HS1BP3: variants seen among roughly 807,000 people sequenced by gnomAD.
The protein encoded by HS1BP3 is HCLS1-binding protein 3.
HS1BP3 carries 32 observed loss-of-function variants against 33.5 expected under a neutral mutation model. That is an observed-to-expected ratio of 0.95 (90% CI 0.72 to 1.28). The LOEUF (loss-of-function observed/expected upper bound fraction) is 1.28, where lower values mean the gene tolerates loss of function less well. Ranked by LOEUF, HS1BP3 falls within the 50% of genes most tolerant of loss-of-function variation. The pLI, the probability that HS1BP3 is intolerant of heterozygous loss-of-function variation, is 0.00. For synonymous variants in HS1BP3, 187 were observed against 209.2 expected, an observed-to-expected ratio of 0.89 and a Z score of 0.92; for missense variants, 486 against 502.3, an observed-to-expected ratio of 0.97 and a Z score of 0.31.
intron 6 of HS1BP3, chr2:20,623,352 A>T (rs1416525684): frequency 6.5e-6 from 1 of 152,702 alleles, no homozygotes; most frequent in East Asian, 1.9e-4. Flanking sequence ...CTTACTGCGT[A>T]CACAGCAAGG....
chr2:20,645,712 G>A (rs1036088506), intron 1 of HS1BP3, among the ~76,000 whole-genome samples: 8 of 152,210 alleles, frequency 5.3e-5, no homozygotes, highest in East Asian at 3.9e-4. Flanking sequence ...CCTCGGACCT[G>A]GTCCTGCCTT....
chr2:20,647,403 G>A (rs1240997942), intron 1 of HS1BP3, among the ~76,000 whole-genome samples: 1 of 152,198 alleles, frequency 6.6e-6, no homozygotes, highest in East Asian at 1.9e-4. Context: ...GACAGACATG[G>A]TGTAAACATG....
downstream of HS1BP3, among the ~76,000 whole-genome samples, chr2:20,588,231 T>C (rs560969497): frequency 5.9e-5 from 9 of 152,320 alleles, no homozygotes; most frequent in African/African-American, 1.7e-4. Context: ...ATATCAAGCA[T>C]GTATTACTTC....
chr2:20,606,094 C>T (rs1694170792), intron 2 of HS1BP3, among the ~76,000 whole-genome samples: 1 of 151,982 alleles, frequency 6.6e-6, no homozygotes, highest in Non-Finnish European at 1.5e-5. Flanking sequence ...TCCTCTACAT[C>T]CTCACCAACA....
rs146115884 is a variant in HS1BP3, at chr2:20,603,318, A to G, written c.179-5053T>C. ...TTATTCACAATAGCCAAAAGGTGAA[A>G]AAAAGCCAAATGCTTATTAACTAAT... On this transcript the variant is annotated intron_variant, in intron 2 of 3. Coordinates refer to the HS1BP3 transcript ENST00000415264. Among the ~76,000 whole-genome samples, 687 of 152,384 alleles carry G rather than the reference A, an allele frequency of 4.5e-3. 6 individuals carry two copies. The highest frequency in any genetic ancestry group is 0.016 in the African/African-American group (660 of 41,590).
At chr2:20,571,307 A>G (rs560011611) in intron 5 of HS1BP3, among the ~76,000 whole-genome samples, 1 of 152,186 alleles carries the variant, frequency 6.6e-6, no homozygotes, top group South Asian at 2.1e-4. Context: ...AGCAAGCTCT[A>G]GGCTGGGGAC....
chr2:20,596,821 C>T (rs1693952556), intron 3 of HS1BP3, among the ~76,000 whole-genome samples: 1 of 152,198 alleles, frequency 6.6e-6, no homozygotes, highest in Non-Finnish European at 1.5e-5. Flanking sequence ...ATCTCAGCTC[C>T]TTCAGGGCCT....
chr2:20,629,305 G>T (rs542496479), intron 4 of HS1BP3, among the ~76,000 whole-genome samples: 1 of 152,258 alleles, frequency 6.6e-6, no homozygotes, highest in South Asian at 2.1e-4. Flanking sequence ...TCTCCTCCCT[G>T]GTCCTCCTCC....
At chr2:20,593,047 C>T (rs1056166464) in intron 3 of HS1BP3, among the ~76,000 whole-genome samples, 8 of 152,106 alleles carry the variant, frequency 5.3e-5, no homozygotes, top group African/African-American at 1.9e-4. Context: ...CTCCAACCTC[C>T]CGCTGTCTAC....
chr2:20,574,605 A>C (rs1350532174), intron 5 of HS1BP3, among the ~76,000 whole-genome samples: 1 of 152,104 alleles, frequency 6.6e-6, no homozygotes, highest in African/African-American at 2.4e-5. Context: ...GGCCAGGAAA[A>C]ATGAGTGACT....
intron 5 of HS1BP3, among the ~76,000 whole-genome samples, chr2:20,574,756 G>C (rs1212770511): frequency 6.6e-6 from 1 of 152,174 alleles, no homozygotes; most frequent in East Asian, 1.9e-4. Context: ...ACCTCACAGG[G>C]GTCTGCTTCC....
intron 5 of HS1BP3, among the ~76,000 whole-genome samples, chr2:20,585,864 G>T (rs1693669129): frequency 6.6e-6 from 1 of 152,210 alleles, no homozygotes; most frequent in South Asian, 2.1e-4. Context: ...CACCTACTGT[G>T]TGCCAGGCAC....
chr2:20,581,598 C>T (rs1693535091), intron 5 of HS1BP3, among the ~76,000 whole-genome samples: 1 of 152,224 alleles, frequency 6.6e-6, no homozygotes, highest in South Asian at 2.1e-4. Context: ...GATCTGCCTG[C>T]CTCAACCTCC....
intron 5 of HS1BP3, among the ~76,000 whole-genome samples, chr2:20,574,619 T>C (rs1693355973): frequency 6.6e-6 from 1 of 152,128 alleles, no homozygotes; most frequent in Non-Finnish European, 1.5e-5. Flanking sequence ...AGTGACTGTA[T>C]AGCAGAAAGC....
intron 4 of HS1BP3, among the ~76,000 whole-genome samples, chr2:20,628,972 T>C (rs1694882576): frequency 6.6e-6 from 1 of 152,136 alleles, no homozygotes; most frequent in Non-Finnish European, 1.5e-5. Flanking sequence ...GCTTTGCTCA[T>C]GGTCCATAGA....
chr2:20,626,198 C>T (rs1207377071), intron 4 of HS1BP3, among the ~76,000 whole-genome samples: 2 of 152,104 alleles, frequency 1.3e-5, no homozygotes, highest in African/African-American at 2.4e-5. Context: ...AGGGGCAGGT[C>T]CCCGCAAGGT....
chr2:20,610,374 C>T (rs940787121), intron 2 of HS1BP3, among the ~76,000 whole-genome samples: 1 of 152,094 alleles, frequency 6.6e-6, no homozygotes, highest in Non-Finnish European at 1.5e-5. Context: ...CTATTCATCC[C>T]TCTCTTCCCC....
intron 4 of HS1BP3, among the ~76,000 whole-genome samples, chr2:20,630,910 G>T (rs1694947326): frequency 6.6e-6 from 1 of 152,218 alleles, no homozygotes; most frequent in African/African-American, 2.4e-5. Flanking sequence ...TGTGGGAATT[G>T]TTGGCCACCT....
At chr2:20,621,451 T>C (rs1024989913) in intron 6 of HS1BP3, among the ~76,000 whole-genome samples, 3 of 152,250 alleles carry the variant, frequency 2.0e-5, no homozygotes, top group Non-Finnish European at 4.4e-5. Context: ...ACCAGCTGTC[T>C]TGGGGTAGAG....
Sources: gnomAD v4.1 joint callset for allele counts (sites outside exome capture counted in the v4.1 genomes callset) on GRCh38, gnomAD v4.1.1 for gene constraint, MANE v1.5 for transcripts, NCBI Gene and HGNC (gene_info 2026-07-23, HGNC 2026-07-21) for gene names.